The following ZBED4 variants were observed in gnomAD, a reference collection of about 807,000 sequenced individuals.
ZBED4 encodes zinc finger BED-type containing 4.
A neutral mutation model predicts 15.5 loss-of-function variants in ZBED4; 4 were observed. The ratio of observed to expected loss-of-function variants is 0.26; its 90% CI spans 0.13 to 0.59. The LOEUF is 0.59. Among genes scored for constraint, ZBED4 ranks in the 20% least tolerant of loss-of-function variants. The pLI, the probability that ZBED4 is intolerant of heterozygous loss-of-function variation, is 0.90. For synonymous variants in ZBED4, 692 were observed against 608.5 expected, an observed-to-expected ratio of 1.14 and a Z score of -2.02; for missense variants, 1,323 against 1,461.8, an observed-to-expected ratio of 0.91 and a Z score of 1.55.
At chr22:49,862,395 C>T (rs1336021921) in intron 1 of ZBED4, among the ~76,000 whole-genome samples, 1 of 152,252 alleles carries the variant, frequency 6.6e-6, no homozygotes, top group Non-Finnish European at 1.5e-5. Flanking sequence ...TAAGCCACTG[C>T]GCCCAGCCTA....
intron 1 of ZBED4, among the ~76,000 whole-genome samples, chr22:49,865,820 G>A (rs144984954): frequency 1.3e-4 from 20 of 151,718 alleles, no homozygotes; most frequent in African/African-American, 4.1e-4. Context: ...CATTGTGCTC[G>A]AAGGTCAGTT....
At chr22:49,868,269 C>T (rs2060330794) in intron 1 of ZBED4, among the ~76,000 whole-genome samples, 1 of 152,172 alleles carries the variant, frequency 6.6e-6, no homozygotes, top group African/African-American at 2.4e-5. Flanking sequence ...AAAATATAGG[C>T]AGTGTTACAA....
rs2060434677 is a variant in ZBED4 at position 49,885,695 on chromosome 22, A to G, written c.2033A>G (p.Asn678Ser). 14 of 1,610,446 alleles carry G rather than the reference A, an allele frequency of 8.7e-6. No homozygotes were observed. The highest frequency in any genetic ancestry group is 1.1e-5 in the South Asian group (1 of 91,000). ...CTCCAGCCATATTCTTTTGTAGACA[A>G]CGTTGGCTTTAACAGGCTGCTTGAA... The part of the protein sequence containing the change: ...LDLQPYSFVD[N>S]VGFNRLLEYL... Residue 678 changes from asparagine (N) to serine (S), a missense_variant, in exon 2 of 2, where the codon AAC (asparagine) becomes AGC (serine). By Grantham distance (46) the Asn-to-Ser change is conservative (BLOSUM62 1). Around this residue, in one of 6 missense-constraint regions of ZBED4, gnomAD observed 89 missense variants for 129.8 expected, o/e 0.69. Coordinates refer to ENST00000216268, the MANE Select transcript of ZBED4 (RefSeq NM_014838.3).
chr22:49,888,741 T>C lies in ZBED4; in HGVS notation c.*1563T>C, dbSNP rs2060453245. On this transcript the variant is annotated 3_prime_UTR_variant, in exon 2 of 2. Transcript: ENST00000216268. ...CTCTTCCTGGTGTCCTCTTACCCGGTAGCTGTGCGCTTGTTCCCGTGAGAA... is the reference window on the plus strand; with the variant it reads ...CTCTTCCTGGTGTCCTCTTACCCGGCAGCTGTGCGCTTGTTCCCGTGAGAA... 6.0e-6 allele frequency: 1 copy of C among 167,314 alleles called. No homozygotes were observed. Among genetic ancestry groups the C allele is most frequent in the Non-Finnish European group, 1.5e-5 (1 of 68,168 alleles). The allele number at this position is 167,314 out of a possible 1,614,324, so 10.4% of individuals were successfully genotyped here.
At chr22:49,873,999 C>T (rs2060361953) in intron 1 of ZBED4, among the ~76,000 whole-genome samples, 1 of 152,242 alleles carries the variant, frequency 6.6e-6, no homozygotes, top group Non-Finnish European at 1.5e-5. Context: ...CAAGAATGAG[C>T]TTGAGTCCTG....
intron 1 of ZBED4, among the ~76,000 whole-genome samples, chr22:49,858,398 C>T (rs1044434625): frequency 2.0e-5 from 3 of 152,164 alleles, no homozygotes; most frequent in African/African-American, 4.8e-5. Flanking sequence ...GAACCAGGCC[C>T]GGAGTCTTGA....
Position 49,886,873 on chromosome 22 carries a change from G to A in ZBED4, c.3211G>A (p.Val1071Met), listed in dbSNP as rs773070555. 3 of 1,614,100 alleles carry A rather than the reference G, an allele frequency of 1.9e-6. No homozygotes were observed. The highest frequency in any genetic ancestry group is 1.1e-5 in the South Asian group (1 of 91,082). ...GAACCTGTGGTCACTTGTGGCCAAG[G>A]TGAAGAAGAAAGACCCAAGAGAAAA... ...EENLWSLVAKVKKKDPREKLP... is the reference protein window; with the variant it reads ...EENLWSLVAKMKKKDPREKLP... Residue 1071 changes from valine to methionine, a missense_variant, in exon 2 of 2, where the codon GTG becomes ATG. Val to Met is a conservative substitution (Grantham distance 21). Coordinates refer to ENST00000216268, the MANE Select transcript of ZBED4 (RefSeq NM_014838.3). The surrounding 1 kb of genome is among the most constrained non-coding windows in gnomAD (Gnocchi z 7.7).
At position 49,885,963 on chromosome 22, in the gene ZBED4, G is replaced by T. The variant is rs201895167; in HGVS notation, c.2301G>T (p.Ser767=). The part of the protein sequence containing the change: ...ARPRCDDHHC[S]ALLDVSQVDC... The stretch of plus-strand genomic sequence containing the variant: ...CGCGCTGTGACGACCACCACTGCTC[G>T]GCGCTGTTGGACGTGTCGCAGGTGG... The change falls in exon 2 of 2, where the codon TCG becomes TCT. Residue 767 remains serine (S), a synonymous_variant. Coordinates refer to ENST00000216268, the MANE Select transcript of ZBED4 (RefSeq NM_014838.3). 26 of 718,006 alleles carry T rather than the reference G, an allele frequency of 3.6e-5. No homozygotes were observed. The highest frequency in any genetic ancestry group is 5.8e-5 in the Non-Finnish European group (23 of 396,820). 44.5% of individuals were successfully genotyped at this position (718,006 alleles called of 1,614,324 possible). A position where few individuals can be genotyped will look rare whatever the true frequency, so the allele number is the denominator to read the frequency against.
rs1342109489 is a variant in ZBED4, at chr22:49,889,544, T to C, written c.*2366T>C. 1 of 167,206 alleles carries C rather than the reference T, an allele frequency of 6.0e-6. No individual in the cohort carries two copies. The highest frequency in any genetic ancestry group is 1.5e-5 in the Non-Finnish European group (1 of 68,122). 10.4% of individuals were successfully genotyped at this position (167,206 alleles called of 1,614,324 possible). A position where few individuals can be genotyped will look rare whatever the true frequency, so the allele number is the denominator to read the frequency against. On this transcript the variant is annotated 3_prime_UTR_variant, in exon 2 of 2. Coordinates refer to ENST00000216268, the MANE Select transcript of ZBED4 (RefSeq NM_014838.3). Reference sequence around the variant, plus strand: ...AGTGTTCTGAGTAACAGTCAGTGTATAAAAGGGGATTGCAGAAAAAAATGA... The same window carrying C: ...AGTGTTCTGAGTAACAGTCAGTGTACAAAAGGGGATTGCAGAAAAAAATGA...
chr22:49,867,354 C>T (rs1027274746), intron 1 of ZBED4, among the ~76,000 whole-genome samples: 1 of 152,174 alleles, frequency 6.6e-6, no homozygotes, highest in African/African-American at 2.4e-5. Context: ...CCTGAAGAAG[C>T]GTGTGCCAGG....
At chr22:49,882,717 T>C (rs2060415728) in intron 1 of ZBED4, among the ~76,000 whole-genome samples, 1 of 152,208 alleles carries the variant, frequency 6.6e-6, no homozygotes, top group African/African-American at 2.4e-5. Context: ...GTCCCGTGAC[T>C]GTCTCCTCTT....
At chr22:49,854,946 GTA>G (rs1331395351) in intron 1 of ZBED4, among the ~76,000 whole-genome samples, 1 of 152,168 alleles carries the variant, frequency 6.6e-6, no homozygotes, top group African/African-American at 2.4e-5. Flanking sequence ...TTTTTTCTGT[GTA>G]TGTCATTCAT....
In ZBED4 at chr22:49,885,513, G is replaced by A. The variant is rs997382257; in HGVS notation, c.1851G>A (p.Ser617=). 30 of 1,609,866 alleles carry A rather than the reference G, an allele frequency of 1.9e-5. No individual in the cohort carries two copies. Among genetic ancestry groups the A allele is most frequent in the South Asian group, 3.3e-5 (3 of 91,034 alleles). The change falls in exon 2 of 2, where the codon TCG becomes TCA. Residue 617 remains serine, a synonymous_variant. Coordinates refer to ENST00000216268, the MANE Select transcript of ZBED4 (RefSeq NM_014838.3). ...GCAACGTGCTGAAAACTGAGGTCTC[G>A]GAGACGGCTCGGCCCTCCTCTCCGG... The part of the protein sequence containing the change: ...FHSNVLKTEV[S]ETARPSSPDT...
intron 1 of ZBED4, among the ~76,000 whole-genome samples, chr22:49,878,100 T>C (rs1282544748): frequency 6.6e-6 from 1 of 152,018 alleles, no homozygotes; most frequent in Non-Finnish European, 1.5e-5. Context: ...AGGTCAGGAA[T>C]TCAAGACAAT....
In ZBED4 at chr22:49,885,116, G is replaced by T. The variant is rs1346858622; in HGVS notation, c.1454G>T (p.Ser485Ile). 4.3e-6 allele frequency: 7 copies of T among 1,614,206 alleles called. No homozygotes were observed. The Admixed American group carries it at 5.0e-5, about 12-fold the overall frequency. ...AECRYCGCAI[S>I]RGKKGDVGTS... ...TGTCGGTACTGCGGCTGTGCCATCA[G>T]CCGGGGGAAGAAGGGTGATGTGGGC... The change falls in exon 2 of 2, where the codon AGC becomes ATC. Residue 485 changes from serine to isoleucine, a missense_variant. Ser to Ile is a moderately radical substitution (Grantham distance 142, BLOSUM62 -2). Transcript: ENST00000216268.
At chr22:49,875,254 A>T (rs542463630) in intron 1 of ZBED4, among the ~76,000 whole-genome samples, 1 of 151,186 alleles carries the variant, frequency 6.6e-6, no homozygotes, top group South Asian at 2.1e-4. Flanking sequence ...GTTTGGTAGA[A>T]TTCACCACTG....
intron 1 of ZBED4, among the ~76,000 whole-genome samples, chr22:49,865,691 G>A (rs1293849837): frequency 1.3e-5 from 2 of 151,882 alleles, no homozygotes; most frequent in Non-Finnish European, 2.9e-5. Context: ...TGCTCACATT[G>A]GGTCCTCATG....
chr22:49,865,954 C>T (rs2060320739), intron 1 of ZBED4, among the ~76,000 whole-genome samples: 1 of 151,864 alleles, frequency 6.6e-6, no homozygotes, highest in Non-Finnish European at 1.5e-5. Flanking sequence ...TCAAGCAGCC[C>T]TCCCGCCTCC....
At chr22:49,876,369 T>C (rs1210615904) in intron 1 of ZBED4, among the ~76,000 whole-genome samples, 1 of 152,214 alleles carries the variant, frequency 6.6e-6, no homozygotes, top group Non-Finnish European at 1.5e-5. Context: ...TGAATAGTTC[T>C]GTGGAAATCT....
Sources: gnomAD v4.1 joint callset for allele counts (sites outside exome capture counted in the v4.1 genomes callset) on GRCh38, gnomAD v4.1.1 for gene constraint, gnomAD v4.1.1 regional missense constraint, Gnocchi (gnomAD v3.1) non-coding constraint, MANE v1.5 for transcripts, NCBI Gene and HGNC (gene_info 2026-07-23, HGNC 2026-07-21) for gene names.